The following INPP5B variants were observed in gnomAD, a reference collection of about 807,000 sequenced individuals.
The protein encoded by INPP5B is inositol polyphosphate-5-phosphatase B.
INPP5B carries 90 observed loss-of-function variants against 118.5 expected under a neutral mutation model. The ratio of observed to expected loss-of-function variants is 0.76; its 90% CI spans 0.64 to 0.90. The LOEUF (loss-of-function observed/expected upper bound fraction) is 0.90, where lower values mean the gene tolerates loss of function less well. Ranked by LOEUF, INPP5B falls within the 40% of genes least tolerant of loss-of-function variation. The pLI is 0.00. For synonymous variants in INPP5B, 385 were observed against 418.9 expected (o/e 0.92, Z 0.99); for missense variants, 984 against 1,125.6 (o/e 0.87, Z 1.80).
chr1:37,896,759 G>A (rs1227193065), intron 7 of INPP5B, among the ~76,000 whole-genome samples: 2 of 128,224 alleles, frequency 1.6e-5, no homozygotes, highest in East Asian at 2.5e-4. Flanking sequence ...CAGCCGCCCC[G>A]TCCCGGAGGG....
chr1:37,892,590 G>A (rs1643879556), intron 7 of INPP5B, among the ~76,000 whole-genome samples: 1 of 152,178 alleles, frequency 6.6e-6, no homozygotes, highest in Non-Finnish European at 1.5e-5. Flanking sequence ...TTGCTGCGAA[G>A]ACTATTACTA....
chr1:37,867,284 T>C (rs1173708454), intron 20 of INPP5B, among the ~76,000 whole-genome samples: 1 of 152,206 alleles, frequency 6.6e-6, no homozygotes, highest in Non-Finnish European at 1.5e-5. Flanking sequence ...GGATACTTTA[T>C]GTTCATTTGT....
intron 7 of INPP5B, chr1:37,931,546 C>T: frequency 6.5e-7 from 1 of 1,536,976 alleles, no homozygotes; most frequent in Non-Finnish European, 8.7e-7. Flanking sequence ...CTCCAGAGGG[C>T]CACCAGGACT....
intron 7 of INPP5B, among the ~76,000 whole-genome samples, chr1:37,927,754 G>A (rs1238254245): frequency 4.6e-5 from 7 of 151,912 alleles, no homozygotes; most frequent in South Asian, 2.1e-4. Flanking sequence ...AGCCAGGATG[G>A]TCTCAATCTC....
At chr1:37,931,505 C>T in intron 7 of INPP5B, 1 of 1,534,916 alleles carries the variant, frequency 6.5e-7, no homozygotes, top group Non-Finnish European at 8.7e-7. Context: ...CTAAGAAGAA[C>T]ATCACAGAAC....
intron 7 of INPP5B, among the ~76,000 whole-genome samples, chr1:37,920,695 T>G (rs1403865570): frequency 6.9e-5 from 10 of 144,166 alleles, no homozygotes; most frequent in Non-Finnish European, 1.1e-4. Flanking sequence ...AGAACAAGAG[T>G]GTAAGAGTCA....
intron 8 of INPP5B, among the ~76,000 whole-genome samples, chr1:37,891,157 G>A (rs750369519): frequency 2.0e-4 from 31 of 151,530 alleles, no homozygotes; most frequent in Non-Finnish European, 3.8e-4. Flanking sequence ...AACCCAGGAG[G>A]TGGAGGTTGC....
At position 37,943,550 on chromosome 1, in the gene INPP5B, A is replaced by AG. The variant is rs1646011147; in HGVS notation, c.280+89dup. The AG allele has an allele frequency of 2.2e-6, 3 of 1,388,462 alleles. No homozygotes were observed. The African/African-American group carries it at 4.3e-5, about 20-fold the overall frequency. 86.0% of individuals were successfully genotyped at this position (1,388,462 alleles called of 1,614,324 possible). A position where few individuals can be genotyped will look rare whatever the true frequency, so the allele number is the denominator to read the frequency against. ...TCTTACTTGCTGCAATAAGTTTAGCAGGGGGTGCTCTTACTTTACACCATT... is the reference window on the plus strand; with the variant it reads ...TCTTACTTGCTGCAATAAGTTTAGCAGGGGGGTGCTCTTACTTTACACCATT... On this transcript the variant is annotated intron_variant, in intron 5 of 23. Coordinates refer to ENST00000373024, the MANE Select transcript of INPP5B (RefSeq NM_005540.3).
At position 37,940,698 on chromosome 1, in the gene INPP5B, C is replaced by G. The variant is rs371293611; in HGVS notation, c.381G>C (p.Arg127Ser). The change falls in exon 6 of 24, where the codon AGG becomes AGC. Residue 127 changes from arginine to serine, a missense_variant. Arg to Ser is a moderately radical substitution (Grantham distance 110). Coordinates refer to ENST00000373024, the MANE Select transcript of INPP5B (RefSeq NM_005540.3). ...QTRMFLHEVA[R>S]ACPGFDSATR... is the part of the protein sequence containing the mutation. The stretch of plus-strand genomic sequence containing the variant: ...TGGGGTCTTACCTACCTGGACAGGC[C>G]CTGGCAACTTCGTGGAGGAACATCC... 3.1e-6 allele frequency: 5 copies of G among 1,612,650 alleles called. No individual in the cohort carries two copies. Among genetic ancestry groups the G allele is most frequent in the Non-Finnish European group, 4.2e-6 (5 of 1,178,748 alleles).
intron 19 of INPP5B, among the ~76,000 whole-genome samples, chr1:37,872,507 C>T (rs1642522505): frequency 6.6e-6 from 1 of 151,636 alleles, no homozygotes; most frequent in South Asian, 2.1e-4. Context: ...AAAGGCCTTA[C>T]AGTTCTTCTC....
intron 11 of INPP5B, 52 bp downstream of exon 11, chr1:37,887,299 A>C (rs1269606771): frequency 9.3e-7 from 1 of 1,079,872 alleles, no homozygotes; most frequent in East Asian, 2.4e-5. Context: ...ATGATCTTGG[A>C]ATTTCCCTGC....
chr1:37,945,317 C>G (rs1646075561), intron 3 of INPP5B, among the ~76,000 whole-genome samples: 2 of 151,998 alleles, frequency 1.3e-5, no homozygotes, highest in South Asian at 4.1e-4. Context: ...TCTGTAATAC[C>G]AGCTCCTCAA....
At chr1:37,883,424 T>C (rs536047984) in intron 13 of INPP5B, 36 of 985,438 alleles carry the variant, frequency 3.7e-5, no homozygotes, top group South Asian at 2.3e-4. Context: ...CAGTATATCA[T>C]TGGTTGGCTC....
At chr1:37,944,724 G>A (rs1418416246) in intron 3 of INPP5B, among the ~76,000 whole-genome samples, 2 of 151,774 alleles carry the variant, frequency 1.3e-5, no homozygotes, top group Non-Finnish European at 2.9e-5. Flanking sequence ...TGAGACTACA[G>A]GCATGCACCA....
rs528380197 is a variant in INPP5B at position 37,932,028 on chromosome 1, A to G, written c.417T>C (p.Pro139=). 3.1e-6 allele frequency: 5 copies of G among 1,602,202 alleles called. No homozygotes were observed. Among genetic ancestry groups the G allele is most frequent in the Non-Finnish European group, 4.3e-6 (5 of 1,172,894 alleles). Reference sequence around the variant, plus strand: ...TATACCGAGACAGCCACAGGAATTCAGGATCCCGGGTCGCAGAATCGAAGC... The same window carrying G: ...TATACCGAGACAGCCACAGGAATTCGGGATCCCGGGTCGCAGAATCGAAGC... ...CPGFDSATRD[P]EFLWLSRYRC... Residue 139 remains proline, a synonymous_variant, in exon 7 of 24, where the codon CCT becomes CCC. Transcript: ENST00000373024.
intron 6 of INPP5B, among the ~76,000 whole-genome samples, chr1:37,935,923 A>G (rs965996693): frequency 6.6e-6 from 1 of 151,968 alleles, no homozygotes; most frequent in Non-Finnish European, 1.5e-5. Context: ...AAAATTAGCC[A>G]GGCGTGGTGG....
chr1:37,868,251 T>C (rs1642169649), intron 20 of INPP5B, among the ~76,000 whole-genome samples: 1 of 148,056 alleles, frequency 6.8e-6, no homozygotes, highest in African/African-American at 2.5e-5. Flanking sequence ...AGGCGGAGGT[T>C]GCAGTGAGTC....
At chr1:37,871,050 G>C (rs550006833) in intron 19 of INPP5B, among the ~76,000 whole-genome samples, 1 of 151,816 alleles carries the variant, frequency 6.6e-6, no homozygotes, top group Non-Finnish European at 1.5e-5. Context: ...CCAGCTACTG[G>C]GGAGGCTGAG....
At chr1:37,918,829 C>T (rs1279976013) in intron 7 of INPP5B, among the ~76,000 whole-genome samples, 1 of 152,206 alleles carries the variant, frequency 6.6e-6, no homozygotes, top group Non-Finnish European at 1.5e-5. Flanking sequence ...CATTCAGGAA[C>T]TGTTCCTCTC....
Sources: allele counts gnomAD v4.1 joint callset (sites outside exome capture counted in the v4.1 genomes callset), GRCh38; gene constraint gnomAD v4.1.1; transcripts MANE v1.5; gene names NCBI Gene and HGNC (gene_info 2026-07-23, HGNC 2026-07-21).